ADORA1: variants seen among roughly 807,000 people sequenced by gnomAD.
ADORA1 encodes adenosine receptor A1.
ADORA1 carries 6 observed loss-of-function variants against 19.9 expected under a neutral mutation model. The ratio of observed to expected loss-of-function variants is 0.30; its 90% CI spans 0.17 to 0.59. The LOEUF (loss-of-function observed/expected upper bound fraction) is 0.59. ADORA1 is among the 20% of genes least tolerant of loss of function. The pLI is 0.87. For missense variants in ADORA1, 302 were observed against 439.2 expected (o/e 0.69, Z 2.79); for synonymous variants, 194 against 188.4 (o/e 1.03, Z -0.24).
At chr1:203,164,576 T>C (rs1571814240) in intron 3 of ADORA1, among the ~76,000 whole-genome samples, 1 of 152,264 alleles carries the variant, frequency 6.6e-6, no homozygotes, top group Non-Finnish European at 1.5e-5. Context: ...AGGTAAGTGC[T>C]GCACAGTGAT....
intron 3 of ADORA1, among the ~76,000 whole-genome samples, chr1:203,133,198 C>T (rs1168669509): frequency 6.6e-6 from 1 of 151,774 alleles, no homozygotes; most frequent in Non-Finnish European, 1.5e-5. Context: ...ACTGCAACCT[C>T]CACCTCCCAG....
At chr1:203,129,423 A>G (rs1654263052) in intron 3 of ADORA1, among the ~76,000 whole-genome samples, 1 of 152,168 alleles carries the variant, frequency 6.6e-6, no homozygotes, top group Non-Finnish European at 1.5e-5. Flanking sequence ...CTCAGAGCTG[A>G]AGCTCTTGCA....
intron 3 of ADORA1, among the ~76,000 whole-genome samples, chr1:203,155,867 G>A (rs1274834396): frequency 3.3e-5 from 5 of 152,224 alleles, no homozygotes; most frequent in Non-Finnish European, 7.3e-5. Flanking sequence ...ATAAACCAGG[G>A]AATGATTTTC....
Position 203,165,650 on chromosome 1 carries a change from C to T in ADORA1, c.731C>T (p.Ala244Val), listed in dbSNP as rs1655524641. The T allele has an allele frequency of 1.2e-6, 2 of 1,610,096 alleles. No individual in the cohort carries two copies. Among genetic ancestry groups the T allele is most frequent in the Non-Finnish European group, 1.7e-6 (2 of 1,177,038 alleles). ...KSLALILFLFALSWLPLHILN... is the reference protein window; with the variant it reads ...KSLALILFLFVLSWLPLHILN... ...CTGGCCCTCATCCTCTTCCTCTTTG[C>T]CCTCAGCTGGCTGCCTTTGCACATC... The change falls in exon 4 of 4, where the codon GCC (alanine) becomes GTC (valine). Residue 244 changes from alanine (A) to valine (V), a missense_variant. Physicochemically the swap from Ala to Val is moderately conservative, Grantham distance 64 (BLOSUM62 0). Transcript: ENST00000337894. This position sits in a 1 kb window ranked among gnomAD's most constrained non-coding sequence, Gnocchi z 5.9.
rs202089967 is a variant in ADORA1, at chr1:203,165,949, A to G, written c.*49A>G. 2.4e-4 allele frequency: 365 copies of G among 1,509,856 alleles called. 1 individual carries two copies. In the African/African-American group the frequency reaches 4.5e-3, roughly 19 times the overall value. 93.5% of individuals were successfully genotyped at this position (1,509,856 alleles called of 1,614,324 possible). A position where few individuals can be genotyped will look rare whatever the true frequency, so the allele number is the denominator to read the frequency against. On this transcript the variant is annotated 3_prime_UTR_variant, in exon 4 of 4. Coordinates refer to ENST00000337894, the MANE Select transcript of ADORA1 (RefSeq NM_000674.3). The surrounding 1 kb of genome is among the most constrained non-coding windows in gnomAD (Gnocchi z 5.9). Reference sequence around the variant, plus strand: ...CCCACATCCAGTGGGGTCTCAGTCCAGTCCTCACATGCCCGCTGTCCCAGG... The same window carrying G: ...CCCACATCCAGTGGGGTCTCAGTCCGGTCCTCACATGCCCGCTGTCCCAGG...
intron 3 of ADORA1, among the ~76,000 whole-genome samples, chr1:203,134,514 G>C (rs1654442608): frequency 6.6e-6 from 1 of 152,168 alleles, no homozygotes; most frequent in African/African-American, 2.4e-5. Context: ...GCTTCCCCCA[G>C]CTGGCATCGG....
chr1:203,162,761 T>C (rs1455274359), intron 3 of ADORA1, among the ~76,000 whole-genome samples: 1 of 152,196 alleles, frequency 6.6e-6, no homozygotes, highest in East Asian at 1.9e-4. Context: ...GGGATTCCCT[T>C]ATCTGCTGTG....
At chr1:203,131,603 C>T (rs751990034) in intron 3 of ADORA1, among the ~76,000 whole-genome samples, 1 of 152,216 alleles carries the variant, frequency 6.6e-6, no homozygotes, top group Admixed American at 6.5e-5. Context: ...ACTGGCTCAG[C>T]GTGGCTCCTT....
chr1:203,157,925 G>A (rs992714141), intron 3 of ADORA1, among the ~76,000 whole-genome samples: 1 of 152,218 alleles, frequency 6.6e-6, no homozygotes, highest in African/African-American at 2.4e-5. Context: ...TGCTCTAAAG[G>A]TCCTCAGCTG....
intron 3 of ADORA1, among the ~76,000 whole-genome samples, chr1:203,142,560 A>G (rs982358180): frequency 1.6e-4 from 24 of 152,190 alleles, no homozygotes; most frequent in African/African-American, 5.8e-4. Flanking sequence ...AAACATCCCT[A>G]AGAGTTTAGA....
In ADORA1 at chr1:203,165,426, C is replaced by T. The variant is rs753000079; in HGVS notation, c.507C>T (p.Cys169=). The T allele has an allele frequency of 5.6e-6, 9 of 1,613,316 alleles. No homozygotes were observed. The highest frequency in any genetic ancestry group is 1.6e-4 in the Middle Eastern group (1 of 6,074). ...NGSMGEPVIK[C]EFEKVISMEY... ...GCATGGGGGAGCCCGTGATCAAGTGCGAGTTCGAGAAGGTCATCAGCATGG... is the reference window on the plus strand; with the variant it reads ...GCATGGGGGAGCCCGTGATCAAGTGTGAGTTCGAGAAGGTCATCAGCATGG... The change falls in exon 4 of 4, where the codon TGC becomes TGT. Residue 169 remains cysteine, a synonymous_variant. Coordinates refer to ENST00000337894, the MANE Select transcript of ADORA1 (RefSeq NM_000674.3). This position sits in a 1 kb window ranked among gnomAD's most constrained non-coding sequence, Gnocchi z 5.9.
chr1:203,151,809 CAT>C (rs1655046205), intron 3 of ADORA1, among the ~76,000 whole-genome samples: 1 of 151,984 alleles, frequency 6.6e-6, no homozygotes, highest in African/African-American at 2.4e-5. Context: ...TTCATTCATT[CAT>C]TCATTCATTC....
intron 3 of ADORA1, among the ~76,000 whole-genome samples, chr1:203,131,071 T>C (rs577528361): frequency 6.6e-6 from 1 of 152,374 alleles, no homozygotes; most frequent in African/African-American, 2.4e-5. Flanking sequence ...ATTGGAATAA[T>C]TTAATGAACT....
At chr1:203,156,232 G>A (rs1026251680) in intron 3 of ADORA1, among the ~76,000 whole-genome samples, 2 of 152,172 alleles carry the variant, frequency 1.3e-5, no homozygotes, top group Non-Finnish European at 2.9e-5. Flanking sequence ...TAGGGGGGAA[G>A]AGAGGGTGTG....
chr1:203,160,962 C>T (rs1655344858), intron 3 of ADORA1, among the ~76,000 whole-genome samples: 1 of 152,266 alleles, frequency 6.6e-6, no homozygotes, highest in Admixed American at 6.5e-5. Flanking sequence ...CCTCCTATGG[C>T]AGCCCTGCCA....
At chr1:203,158,421 AT>A (rs1402407401) in intron 3 of ADORA1, among the ~76,000 whole-genome samples, 7 of 152,028 alleles carry the variant, frequency 4.6e-5, no homozygotes, top group Admixed American at 1.3e-4. Context: ...TACTGTCCAA[AT>A]TTTCTGCTAG....
chr1:203,142,595 T>C (rs1654729406), intron 3 of ADORA1, among the ~76,000 whole-genome samples: 1 of 152,142 alleles, frequency 6.6e-6, no homozygotes, highest in Non-Finnish European at 1.5e-5. Flanking sequence ...GAGGGGTGAA[T>C]GGGATCACCG....
chr1:203,165,340 AC>A lies in ADORA1; in HGVS notation c.425del (p.Pro142LeufsTer8), dbSNP rs1380582066. The A allele has an allele frequency of 1.3e-6, 2 of 1,580,554 alleles. No homozygotes were observed. The highest frequency in any genetic ancestry group is 1.7e-6 in the Non-Finnish European group (2 of 1,162,404). On this transcript the variant is annotated frameshift_variant, in exon 4 of 4. Transcript: ENST00000337894. LOFTEE classifies it high-confidence loss of function. This position sits in a 1 kb window ranked among gnomAD's most constrained non-coding sequence, Gnocchi z 5.9. ...GATCCTCTCCTTCGTGGTGGGACTG[AC>A]CCCTATGTTTGGCTGGAACAATCTG... Reference protein sequence around the residue: ...CWILSFVVGLTPMFGWNNLSA... With the variant: ...CWILSFVVGLXPMFGWNNLSA...
chr1:203,161,912 G>A (rs1395021383), intron 3 of ADORA1, among the ~76,000 whole-genome samples: 2 of 152,168 alleles, frequency 1.3e-5, no homozygotes, highest in Non-Finnish European at 2.9e-5. Context: ...CTGCCCTGCT[G>A]GCCTGTGGAC....
Sources: allele counts gnomAD v4.1 joint callset (sites outside exome capture counted in the v4.1 genomes callset), GRCh38; gene constraint gnomAD v4.1.1; non-coding constraint Gnocchi (gnomAD v3.1); transcripts MANE v1.5; gene names NCBI Gene and HGNC (gene_info 2026-07-23, HGNC 2026-07-21).